The following PYGB variants were observed in gnomAD, a reference collection of about 807,000 sequenced individuals.
The protein encoded by PYGB is glycogen phosphorylase B.
PYGB carries 82 observed loss-of-function variants against 94.3 expected under a neutral mutation model. The ratio of observed to expected loss-of-function variants is 0.87; its 90% CI spans 0.73 to 1.04. PYGB has a LOEUF of 1.04. Ranked by LOEUF, PYGB falls within the 50% of genes least tolerant of loss-of-function variation. The probability of loss-of-function intolerance (pLI) is 0.00; values close to 1 mark genes in which losing one functional copy is unlikely to be tolerated. For missense variants in PYGB, 1,132 were observed against 1,158.2 expected (o/e 0.98, Z 0.33); for synonymous variants, 488 against 479.1 (o/e 1.02, Z -0.24).
chr20:25,293,015 A>C (rs1440352491), intron 17 of PYGB, among the ~76,000 whole-genome samples: 1 of 151,788 alleles, frequency 6.6e-6, no homozygotes, highest in Non-Finnish European at 1.5e-5. Context: ...TGCCGGGAGC[A>C]CTCTGCTGAT....
chr20:25,266,813 G>T (rs1118963), intron 2 of PYGB, among the ~76,000 whole-genome samples: 2 of 152,036 alleles, frequency 1.3e-5, no homozygotes, highest in Non-Finnish European at 2.9e-5. Flanking sequence ...ATGAGACGCC[G>T]CTGTATTCCC....
intron 1 of PYGB, among the ~76,000 whole-genome samples, chr20:25,255,267 G>A (rs951307241): frequency 2.0e-5 from 3 of 152,204 alleles, no homozygotes; most frequent in Non-Finnish European, 2.9e-5. Flanking sequence ...CAACCTCAGC[G>A]TCTGGCAGGT....
chr20:25,292,268 G>GA, intron 16 of PYGB, 138 bp from the exon 17 acceptor site: 1 of 1,003,912 alleles, frequency 1.0e-6, no homozygotes, highest in Non-Finnish European at 1.4e-6. Flanking sequence ...GCGGGAGTGG[G>GA]GGCTGGAGCG....
intron 17 of PYGB, among the ~76,000 whole-genome samples, chr20:25,293,005 T>G (rs1444941738): frequency 2.0e-5 from 3 of 152,136 alleles, no homozygotes; most frequent in Admixed American, 2.0e-4. Flanking sequence ...AGGGGCGCTC[T>G]GCCGGGAGCA....
chr20:25,291,425 C>T (rs1445098016), intron 16 of PYGB, among the ~76,000 whole-genome samples: 1 of 152,206 alleles, frequency 6.6e-6, no homozygotes, highest in African/African-American at 2.4e-5. Context: ...TCCCAGGCTG[C>T]CGCAGGTGAG....
chr20:25,258,886 G>C (rs544594272), intron 1 of PYGB, among the ~76,000 whole-genome samples: 2 of 152,278 alleles, frequency 1.3e-5, no homozygotes, highest in Non-Finnish European at 2.9e-5. Context: ...CACATGGCTG[G>C]TAAGAGGCTG....
In PYGB at chr20:25,296,551, G is replaced by A. The variant is rs749231664; in HGVS notation, c.*29G>A. The A allele has an allele frequency of 6.3e-7, 1 of 1,589,282 alleles. No individual in the cohort carries two copies. ...CACCCTGCCTTGGCGGGACCAGCGG[G>A]CATTTGTTTTCTTGCTGACTTTGCA... is the stretch of plus-strand genomic sequence containing the variant. On this transcript the variant is annotated 3_prime_UTR_variant, in exon 20 of 20. Coordinates refer to ENST00000216962, the MANE Select transcript of PYGB (RefSeq NM_002862.4).
chr20:25,248,789 G>C (rs571810305), intron 1 of PYGB, among the ~76,000 whole-genome samples: 101 of 152,382 alleles, frequency 6.6e-4, no homozygotes, highest in African/African-American at 2.4e-3. Context: ...GCCACTCTTT[G>C]TTTTCCTGCA....
At chr20:25,256,866 A>C (rs930973386) in intron 1 of PYGB, among the ~76,000 whole-genome samples, 2 of 152,176 alleles carry the variant, frequency 1.3e-5, no homozygotes, top group African/African-American at 4.8e-5. Context: ...ATGCCTTTAC[A>C]TGGTTTTTTT....
At chr20:25,257,601 C>T (rs528318082) in intron 1 of PYGB, among the ~76,000 whole-genome samples, 22 of 152,130 alleles carry the variant, frequency 1.4e-4, no homozygotes, top group Admixed American at 5.2e-4. Context: ...GGCTGAGACG[C>T]GAGGATCACT....
chr20:25,272,358 C>T (rs2088274879), intron 4 of PYGB, among the ~76,000 whole-genome samples: 1 of 152,312 alleles, frequency 6.6e-6, no homozygotes, highest in South Asian at 2.1e-4. Context: ...CAGGTGCAGC[C>T]TCCAGGGCTC....
intron 1 of PYGB, among the ~76,000 whole-genome samples, chr20:25,253,667 G>A (rs1387523655): frequency 6.3e-5 from 8 of 127,614 alleles, no homozygotes; most frequent in Non-Finnish European, 8.5e-5. Flanking sequence ...TAAGGTAACC[G>A]ACCTCACCTC....
In PYGB at chr20:25,296,587, T is replaced by C. The variant is rs1568703077; in HGVS notation, c.*65T>C. On this transcript the variant is annotated 3_prime_UTR_variant, in exon 20 of 20. Transcript: ENST00000216962. ...CTTGCTGACTTTGCACCTCCTTTTT[T>C]CCCCAAACACTTTGCCAGCCACTGG... 1.9e-6 allele frequency: 3 copies of C among 1,544,676 alleles called. No homozygotes were observed. The highest frequency in any genetic ancestry group is 1.4e-5 in the African/African-American group (1 of 73,488).
chr20:25,258,751 C>G (rs1455981069), intron 1 of PYGB, among the ~76,000 whole-genome samples: 1 of 152,276 alleles, frequency 6.6e-6, no homozygotes, highest in Non-Finnish European at 1.5e-5. Context: ...ATTCAGCCGT[C>G]TGTGCTGCGT....
intron 1 of PYGB, among the ~76,000 whole-genome samples, chr20:25,256,667 C>A (rs756398479): frequency 6.6e-6 from 1 of 152,142 alleles, no homozygotes; most frequent in African/African-American, 2.4e-5. Context: ...GTTAAGGGAT[C>A]GTGTTGGCAT....
chr20:25,260,144 A>G (rs1302821370), intron 2 of PYGB, among the ~76,000 whole-genome samples: 1 of 152,172 alleles, frequency 6.6e-6, no homozygotes, highest in African/African-American at 2.4e-5. Context: ...GTGCTCAACA[A>G]AATGCAACAA....
At position 25,269,768 on chromosome 20, in the gene PYGB, A is replaced by G. The variant is rs2088249740; in HGVS notation, c.424+561A>G. On this transcript the variant is annotated intron_variant, in intron 3 of 19. Coordinates refer to ENST00000216962, the MANE Select transcript of PYGB (RefSeq NM_002862.4). Reference sequence around the variant, plus strand: ...GCCTCTTTTGTCCCCATCTCCTGACAGCCCCAGGGGTGGCCATTCACCGCA... The same window carrying G: ...GCCTCTTTTGTCCCCATCTCCTGACGGCCCCAGGGGTGGCCATTCACCGCA... 2.6e-5 allele frequency among the ~76,000 whole-genome samples: 4 copies of G among 152,260 alleles called. No individual in the cohort carries two copies. The South Asian group carries it at 8.3e-4, about 32-fold the overall frequency.
chr20:25,269,054 T>TA, intron 2 of PYGB, 75 bp from the exon 3 acceptor site: 3 of 1,268,656 alleles, frequency 2.4e-6, no homozygotes, highest in South Asian at 1.2e-5. Flanking sequence ...TCACAAGACT[T>TA]ACACATCTTT....
chr20:25,294,801 T>C, intron 18 of PYGB: 1 of 728,318 alleles, frequency 1.4e-6, no homozygotes, highest in Non-Finnish European at 2.5e-6. Flanking sequence ...GTATGGTTTA[T>C]CTAGAGTTAC....
Sources: gnomAD v4.1 joint callset for allele counts (sites outside exome capture counted in the v4.1 genomes callset) on GRCh38, gnomAD v4.1.1 for gene constraint, MANE v1.5 for transcripts, NCBI Gene and HGNC (gene_info 2026-07-23, HGNC 2026-07-21) for gene names.